Variants in FBXO4 observed in about 807,000 individuals in gnomAD.
The protein encoded by FBXO4 is F-box only protein 4.
FBXO4 carries 36 observed loss-of-function variants against 43.7 expected under a neutral mutation model. The ratio of observed to expected loss-of-function variants is 0.82; its 90% confidence interval spans 0.63 to 1.09. FBXO4 has a LOEUF of 1.09. FBXO4 is among the 50% of genes least tolerant of loss of function. The pLI is 0.00. For missense variants in FBXO4, 435 were observed against 474.1 expected, an observed-to-expected ratio of 0.92 and a Z score of 0.77; for synonymous variants, 180 against 165.6, an observed-to-expected ratio of 1.09 and a Z score of -0.67.
At chr5:42,013,720 C>T in the FBXO4 span, among the ~76,000 whole-genome samples, 1 of 152,322 alleles carries the variant, frequency 6.6e-6, no homozygotes, top group East Asian at 1.9e-4. Flanking sequence ...CATTTGGAAG[C>T]AAACACAGCT....
At chr5:42,039,154 C>A in the FBXO4 span, among the ~76,000 whole-genome samples, 1 of 151,942 alleles carries the variant, frequency 6.6e-6, no homozygotes, top group Non-Finnish European at 1.5e-5. Flanking sequence ...TAACATGCAG[C>A]TATGTTAAAA....
the FBXO4 span, among the ~76,000 whole-genome samples, chr5:42,031,297 T>C: frequency 6.6e-6 from 1 of 152,202 alleles, no homozygotes; most frequent in East Asian, 1.9e-4. Context: ...GATGAGTTCA[T>C]GTCCTTTGTA....
chr5:42,030,637 C>T, the FBXO4 span, among the ~76,000 whole-genome samples: 1 of 151,642 alleles, frequency 6.6e-6, no homozygotes, highest in African/African-American at 2.4e-5. Flanking sequence ...AGCTTCTGCA[C>T]AGCAAAAGAA....
the FBXO4 span, among the ~76,000 whole-genome samples, chr5:41,994,611 A>T: frequency 6.6e-6 from 1 of 152,086 alleles, no homozygotes; most frequent in Non-Finnish European, 1.5e-5. Context: ...AAGAGACATT[A>T]TAACACCCTT....
chr5:41,965,430 G>A, the FBXO4 span, among the ~76,000 whole-genome samples: 14,404 of 152,152 alleles, frequency 0.095, 730 homozygotes, highest in Non-Finnish European at 0.11. Flanking sequence ...GAAAGTCATT[G>A]GTAGCTTGAT....
rs749064912 is a variant in FBXO4 at position 41,934,038 on chromosome 5, G to A, written c.722+17G>A. 2 of 1,612,436 alleles carry A rather than the reference G, an allele frequency of 1.2e-6. No individual in the cohort carries two copies. The highest frequency in any genetic ancestry group is 3.3e-5 in the Admixed American group (2 of 59,954). On this transcript the variant is annotated intron_variant, in intron 4 of 6. Coordinates refer to ENST00000281623, the MANE Select transcript of FBXO4 (RefSeq NM_012176.3). Reference sequence around the variant, plus strand: ...AACTACCAGGTAAGGCTACATACTTGGTGGCTTAACTGAAACATCAGAACT... The same window carrying A: ...AACTACCAGGTAAGGCTACATACTTAGTGGCTTAACTGAAACATCAGAACT...
chr5:41,937,155 C>A (rs1170515108), intron 5 of FBXO4, among the ~76,000 whole-genome samples: 2 of 152,064 alleles, frequency 1.3e-5, no homozygotes, highest in African/African-American at 4.8e-5. Context: ...GGAAAGACAA[C>A]AAACCACAGA....
the FBXO4 span, among the ~76,000 whole-genome samples, chr5:41,966,457 A>G: frequency 6.6e-6 from 1 of 152,184 alleles, no homozygotes; most frequent in Admixed American, 6.5e-5. Flanking sequence ...AAACCTTTAA[A>G]TCCTAGAAAA....
chr5:41,944,858 C>T (rs1196926134), downstream of FBXO4, among the ~76,000 whole-genome samples: 2 of 152,120 alleles, frequency 1.3e-5, no homozygotes, highest in Non-Finnish European at 2.9e-5. Context: ...AGTCCACAAC[C>T]AAGTAGATAC....
At chr5:41,968,672 T>A in the FBXO4 span, among the ~76,000 whole-genome samples, 1 of 152,206 alleles carries the variant, frequency 6.6e-6, no homozygotes, top group African/African-American at 2.4e-5. Flanking sequence ...ATTAAACACC[T>A]TTTTTTAAAT....
rs752307505 is a variant in FBXO4 at position 41,941,385 on chromosome 5, A to G, written c.*104A>G. The G allele has an allele frequency of 4.6e-6, 4 of 870,890 alleles. No homozygotes were observed. The highest frequency in any genetic ancestry group is 4.3e-5 in the South Asian group (3 of 69,810). The allele number at this position is 870,890 out of a possible 1,614,324, so 53.9% of individuals were successfully genotyped here. ...CCCACCTTGTCCTGCCTTTTTGCAG[A>G]TAGGCTTTCATTTGGACAGCTATAA... On this transcript the variant is annotated 3_prime_UTR_variant, in exon 7 of 7. Coordinates refer to ENST00000281623, the MANE Select transcript of FBXO4 (RefSeq NM_012176.3).
chr5:41,946,930 A>G, the FBXO4 span, among the ~76,000 whole-genome samples: 1 of 152,308 alleles, frequency 6.6e-6, no homozygotes, highest in East Asian at 1.9e-4. Flanking sequence ...CATAATTTCA[A>G]TCCCTAAATA....
At chr5:42,017,105 CAT>C in the FBXO4 span, among the ~76,000 whole-genome samples, 1 of 151,784 alleles carries the variant, frequency 6.6e-6, no homozygotes, top group Non-Finnish European at 1.5e-5. Flanking sequence ...ATAGATATAA[CAT>C]ATGTATCTGA....
the FBXO4 span, among the ~76,000 whole-genome samples, chr5:41,966,155 G>C: frequency 6.6e-6 from 1 of 152,102 alleles, no homozygotes; most frequent in Non-Finnish European, 1.5e-5. Flanking sequence ...TGTGGGGTGG[G>C]GGCAAGGGGG....
At chr5:42,010,989 C>T in the FBXO4 span, among the ~76,000 whole-genome samples, 9 of 152,106 alleles carry the variant, frequency 5.9e-5, no homozygotes, top group Admixed American at 5.9e-4. Flanking sequence ...AACCCGTTAT[C>T]TACATTAGGT....
the FBXO4 span, among the ~76,000 whole-genome samples, chr5:41,981,125 T>C: frequency 4.6e-5 from 7 of 152,126 alleles, no homozygotes; most frequent in African/African-American, 1.4e-4. Context: ...CATAACTTAA[T>C]ACTATATCAT....
chr5:41,958,036 C>G, the FBXO4 span, among the ~76,000 whole-genome samples: 3 of 151,840 alleles, frequency 2.0e-5, no homozygotes, highest in East Asian at 5.8e-4. Context: ...TATATATATG[C>G]ATTGTAGAAT....
intron 1 of FBXO4, 95 bp from the exon 2 acceptor site, chr5:41,926,918 G>A (rs1209754117): frequency 2.0e-5 from 13 of 665,182 alleles, no homozygotes; most frequent in Non-Finnish European, 3.1e-5. Context: ...CTAGTCAGTT[G>A]ACCTTTTGTT....
At chr5:41,953,435 T>G in the FBXO4 span, among the ~76,000 whole-genome samples, 1 of 152,220 alleles carries the variant, frequency 6.6e-6, no homozygotes, top group African/African-American at 2.4e-5. Context: ...TTTGCTATTG[T>G]GAATAGTGCC....
Sources: gnomAD v4.1 joint callset for allele counts (sites outside exome capture counted in the v4.1 genomes callset) on GRCh38, gnomAD v4.1.1 for gene constraint, MANE v1.5 for transcripts, NCBI Gene and HGNC (gene_info 2026-07-23, HGNC 2026-07-21) for gene names.